The following USP35 variants were observed in gnomAD, a reference collection of about 807,000 sequenced individuals.
The protein encoded by USP35 is ubiquitin carboxyl-terminal hydrolase 35.
In USP35, 69 loss-of-function variants were observed where a neutral mutation model predicts 83.8. The observed-to-expected ratio is 0.82, with a 90% CI of 0.68 to 1.01. The LOEUF (loss-of-function observed/expected upper bound fraction) is 1.01. Among genes scored for constraint, USP35 ranks in the 50% least tolerant of loss-of-function variants. The probability of loss-of-function intolerance (pLI) is 0.00; values close to 1 mark genes in which losing one functional copy is unlikely to be tolerated. For synonymous variants in USP35, 714 were observed against 589.5 expected (o/e 1.21, Z -3.06); for missense variants, 1,503 against 1,362.5 (o/e 1.10, Z -1.62).
At chr11:78,206,888 C>G (rs544717781) in intron 7 of USP35, among the ~76,000 whole-genome samples, 2 of 151,632 alleles carry the variant, frequency 1.3e-5, no homozygotes, top group Non-Finnish European at 2.9e-5. Context: ...GGGGAGCTAT[C>G]TCCTATAGGA....
chr11:78,221,890 T>C, the USP35 span: 1 of 725,686 alleles, frequency 1.4e-6, no homozygotes, highest in African/African-American at 1.8e-5. Context: ...CCATTAGAGC[T>C]GCACACTCCA....
At chr11:78,225,255 A>C in the USP35 span, 3 of 1,162,780 alleles carry the variant, frequency 2.6e-6, no homozygotes, top group African/African-American at 3.0e-5. Context: ...ATGTGTTGAC[A>C]CTTACCCATA....
intron 9 of USP35, 35 bp downstream of exon 9, chr11:78,208,998 C>T (rs750265829): frequency 6.3e-7 from 1 of 1,599,482 alleles, no homozygotes; most frequent in East Asian, 2.2e-5. Flanking sequence ...GACTCCAGGT[C>T]TAGAGGGTCC....
At chr11:78,212,810 G>GTC in intron 10 of USP35, among the ~76,000 whole-genome samples, 1 of 152,104 alleles carries the variant, frequency 6.6e-6, no homozygotes, top group Admixed American at 6.5e-5. Context: ...ATAATGACAT[G>GTC]ATTCTGTATC....
rs1330134133 is a variant in USP35 at position 78,208,942 on chromosome 11, A to G, written c.1571A>G (p.Tyr524Cys). Residue 524 changes from tyrosine to cysteine, a missense_variant, in exon 9 of 11, where the codon TAT becomes TGT. Tyr to Cys is a radical substitution (Grantham distance 194, BLOSUM62 -2). Coordinates refer to ENST00000529308, the MANE Select transcript of USP35 (RefSeq NM_020798.4). ...SPGTQQDCSE[Y>C]LKYLLDRLHE... is the part of the protein sequence containing the mutation. Reference sequence around the variant, plus strand: ...GGCACCCAGCAGGACTGCTCGGAGTATCTGAAGTACCTGCTGGATCGGTAA... The same window carrying G: ...GGCACCCAGCAGGACTGCTCGGAGTGTCTGAAGTACCTGCTGGATCGGTAA... 19 of 1,614,054 alleles carry G rather than the reference A, an allele frequency of 1.2e-5. No homozygotes were observed. The highest frequency in any genetic ancestry group is 1.4e-5 in the Non-Finnish European group (17 of 1,180,000).
chr11:78,222,749 A>C, the USP35 span, among the ~76,000 whole-genome samples: 1 of 151,828 alleles, frequency 6.6e-6, no homozygotes, highest in Non-Finnish European at 1.5e-5. Context: ...CGCTTAGCTA[A>C]TTTTTATATT....
chr11:78,231,367 G>GTGTGTGTT, the USP35 span, among the ~76,000 whole-genome samples: 1 of 151,996 alleles, frequency 6.6e-6, no homozygotes. Flanking sequence ...GTGTGTGTGT[G>GTGTGTGTT]TGTCGGAGTC....
At chr11:78,227,691 T>C in the USP35 span, among the ~76,000 whole-genome samples, 1 of 150,902 alleles carries the variant, frequency 6.6e-6, no homozygotes, top group Non-Finnish European at 1.5e-5. Flanking sequence ...TCCTAGCTTC[T>C]GGTGAGGCTA....
chr11:78,208,692 G>T (rs1863612736), intron 8 of USP35, among the ~76,000 whole-genome samples, 165 bp from the exon 9 acceptor site: 1 of 152,174 alleles, frequency 6.6e-6, no homozygotes, highest in African/African-American at 2.4e-5. Flanking sequence ...GGACATGTGG[G>T]CTGGGTTGGG....
chr11:78,207,610 T>C lies in USP35; in HGVS notation c.1472T>C (p.Leu491Pro). Residue 491 changes from leucine (L) to proline (P), a missense_variant, in exon 8 of 11, where the codon CTA becomes CCA. Transcript: ENST00000529308. The part of the protein sequence containing the change: ...MTKLQWLFGF[L>P]EHSQRPAISP... ...AAGCTGCAGTGGCTCTTTGGCTTCC[T>C]AGAACACAGCCAGGTGAGTGTAGGG... 1 of 1,614,024 alleles carries C rather than the reference T, an allele frequency of 6.2e-7. No homozygotes were observed. Among genetic ancestry groups the C allele is most frequent in the Non-Finnish European group, 8.5e-7 (1 of 1,179,988 alleles).
chr11:78,200,663 T>TC lies in USP35; in HGVS notation c.1059dup (p.Met354HisfsTer39), dbSNP rs761345427. ...CTGCTCCCACAGCTCCTCCCTCACA[T>TC]CCCCCCCATGGTGGCCTCTCTGGTC... On this transcript the variant is annotated frameshift_variant, in exon 6 of 11. Transcript: ENST00000529308. LOFTEE classifies it high-confidence loss of function. 13 of 1,609,618 alleles carry TC rather than the reference T, an allele frequency of 8.1e-6. No individual in the cohort carries two copies. The highest frequency in any genetic ancestry group is 1.7e-5 in the Admixed American group (1 of 59,462).
intron 10 of USP35, 53 bp downstream of exon 10, chr11:78,210,797 T>C: frequency 2.0e-6 from 3 of 1,482,214 alleles, no homozygotes; most frequent in Non-Finnish European, 2.7e-6. Context: ...GGGAGTCCAG[T>C]CCCACTACTG....
At chr11:78,223,250 A>G in the USP35 span, among the ~76,000 whole-genome samples, 1 of 152,148 alleles carries the variant, frequency 6.6e-6, no homozygotes, top group Non-Finnish European at 1.5e-5. Flanking sequence ...GGGAGGTAGG[A>G]ATTACCATCT....
chr11:78,236,249 C>T, the USP35 span, among the ~76,000 whole-genome samples: 1 of 152,228 alleles, frequency 6.6e-6, no homozygotes, highest in Non-Finnish European at 1.5e-5. Context: ...TTGTTCACTG[C>T]ATACTGTAAA....
chr11:78,234,987 G>C, the USP35 span, among the ~76,000 whole-genome samples: 2 of 152,000 alleles, frequency 1.3e-5, no homozygotes, highest in Admixed American at 1.3e-4. Flanking sequence ...TCCAGCCCGG[G>C]AGACAGAGCG....
chr11:78,188,997 T>C lies in USP35; in HGVS notation c.-171T>C. On this transcript the variant is annotated 5_prime_UTR_variant, in exon 1 of 11. Transcript: ENST00000529308. ...CCAGGCGGGGTGGGAAGACTGGATT[T>C]TGCAGTGGAAGCAGCATCTCTTCCG... 1.0e-6 allele frequency: 1 copy of C among 972,138 alleles called. No homozygotes were observed. Among genetic ancestry groups the C allele is most frequent in the Non-Finnish European group, 1.2e-6 (1 of 817,790 alleles). The allele number at this position is 972,138 out of a possible 1,614,324, so 60.2% of individuals were successfully genotyped here.
the USP35 span, among the ~76,000 whole-genome samples, chr11:78,224,222 T>C: frequency 5.3e-5 from 8 of 152,364 alleles, no homozygotes; most frequent in East Asian, 9.6e-4. Context: ...TCTTGGTGAC[T>C]GGGTCCACTT....
At chr11:78,231,643 C>T in the USP35 span, among the ~76,000 whole-genome samples, 280 of 152,282 alleles carry the variant, frequency 1.8e-3, 1 homozygote, top group African/African-American at 5.8e-3. Flanking sequence ...CCACTGTGCC[C>T]GGCCTTCCCT....
At chr11:78,228,717 C>G in the USP35 span, among the ~76,000 whole-genome samples, 19 of 152,132 alleles carry the variant, frequency 1.2e-4, 1 homozygote, top group South Asian at 3.9e-3. Flanking sequence ...CCTTGGGCCT[C>G]TGCACTCCTC....
Sources: gnomAD v4.1 joint callset for allele counts (sites outside exome capture counted in the v4.1 genomes callset) on GRCh38, gnomAD v4.1.1 for gene constraint, MANE v1.5 for transcripts, NCBI Gene and HGNC (gene_info 2026-07-23, HGNC 2026-07-21) for gene names.